The following GLG1 variants were observed in gnomAD, a reference collection of about 807,000 sequenced individuals.
GLG1 encodes the protein Golgi apparatus protein 1.
A neutral mutation model predicts 160.5 loss-of-function variants in GLG1; 38 were observed. That is an observed-to-expected ratio of 0.24 (90% CI 0.18 to 0.31). The LOEUF is 0.31. GLG1 is among the 10% of genes least tolerant of loss of function. GLG1 has a pLI of 1.00. For synonymous variants in GLG1, 644 were observed against 543.4 expected (o/e 1.19, Z -2.57); for missense variants, 1,373 against 1,505.2 (o/e 0.91, Z 1.45).
In GLG1 at chr16:74,503,681, T is replaced by C. The variant is rs759980976; in HGVS notation, c.624A>G (p.Arg208=). 17 of 1,613,244 alleles carry C rather than the reference T, an allele frequency of 1.1e-5. No homozygotes were observed. In the South Asian group the frequency reaches 1.9e-4, roughly 18 times the overall value. Residue 208 remains arginine (R), a synonymous_variant, in exon 4 of 26, where the codon CGA becomes CGG. Coordinates refer to ENST00000422840, the MANE Select transcript of GLG1 (RefSeq NM_001145667.2). ...GYMVSCLVDH[R]GNITEYQCHQ... The stretch of plus-strand genomic sequence containing the variant: ...GACACTGATACTCAGTGATGTTGCC[T>C]CGGTGATCCACCAAGCAGGAAACCA...
At chr16:74,462,817 G>A (rs1291557753) in intron 20 of GLG1, 187 bp from the exon 21 acceptor site, 2 of 609,734 alleles carry the variant, frequency 3.3e-6, no homozygotes, top group African/African-American at 1.9e-5. Context: ...ACTTGTTAAC[G>A]AGTACTTCTG....
At position 74,462,670 on chromosome 16, in the gene GLG1, C is replaced by T. The variant is rs753288326; in HGVS notation, c.2792-40G>A. Reference sequence around the variant, plus strand: ...AGTGAGCATGTGACAAAACATTCCACCTGATTCACACATTTTTAGATATCC... The same window carrying T: ...AGTGAGCATGTGACAAAACATTCCATCTGATTCACACATTTTTAGATATCC... On this transcript the variant is annotated intron_variant, in intron 20 of 25. Coordinates refer to ENST00000422840, the MANE Select transcript of GLG1 (RefSeq NM_001145667.2). 7.4e-5 allele frequency: 118 copies of T among 1,601,720 alleles called. No individual in the cohort carries two copies. In the East Asian group the frequency reaches 2.4e-3, roughly 33 times the overall value.
Position 74,475,874 on chromosome 16 carries a change from G to A in GLG1, c.1966-1242C>T, listed in dbSNP as rs148294247. Among the ~76,000 whole-genome samples the A allele has an allele frequency of 2.8e-3, 419 of 152,242 alleles. 2 individuals carry two copies. The highest frequency in any genetic ancestry group is 5.5e-3 in the Admixed American group (84 of 15,276). ...TTTTGGGAGTAAAATAAATGGCTAAGAGAAACATCCTATTAATAGAATCCT... is the reference window on the plus strand; with the variant it reads ...TTTTGGGAGTAAAATAAATGGCTAAAAGAAACATCCTATTAATAGAATCCT... On this transcript the variant is annotated intron_variant, in intron 12 of 25. Transcript: ENST00000422840.
At chr16:74,525,131 G>C (rs954453581) in intron 2 of GLG1, among the ~76,000 whole-genome samples, 6 of 152,144 alleles carry the variant, frequency 3.9e-5, no homozygotes, top group African/African-American at 1.4e-4. Context: ...ATTTTTGTGT[G>C]AAAATGTGTC....
chr16:74,587,550 A>G (rs1958080647), intron 1 of GLG1, among the ~76,000 whole-genome samples: 1 of 152,206 alleles, frequency 6.6e-6, no homozygotes, highest in African/African-American at 2.4e-5. Flanking sequence ...GACAGACATG[A>G]TGGAATTAGC....
chr16:74,573,375 T>C (rs2018892860), intron 1 of GLG1, among the ~76,000 whole-genome samples: 1 of 152,056 alleles, frequency 6.6e-6, no homozygotes. Context: ...AATAATCGTA[T>C]CTTAAAGGAT....
intron 2 of GLG1, among the ~76,000 whole-genome samples, chr16:74,529,809 G>GTTTTTTTTTTTTTTTTTTTTTTTTTTT (rs201693911): frequency 1.9e-5 from 2 of 104,104 alleles, no homozygotes; most frequent in Non-Finnish European, 3.6e-5. Context: ...CTCTTTGAGA[G>GTTTTTTTTTTTTTTTTTTTTTTTTTTT]TTCTTTTTTT....
chr16:74,546,437 T>A (rs2018048382), intron 1 of GLG1, among the ~76,000 whole-genome samples: 1 of 152,116 alleles, frequency 6.6e-6, no homozygotes, highest in African/African-American at 2.4e-5. Flanking sequence ...AAAGTAAGAC[T>A]CTGTCTTAAC....
chr16:74,596,315 G>C (rs948962650), intron 1 of GLG1, among the ~76,000 whole-genome samples: 1 of 152,004 alleles, frequency 6.6e-6, no homozygotes, highest in African/African-American at 2.4e-5. Flanking sequence ...GATCACCTGA[G>C]GTCAGCAGTT....
chr16:74,458,581 G>A (rs1389827720), intron 23 of GLG1, among the ~76,000 whole-genome samples: 1 of 152,154 alleles, frequency 6.6e-6, no homozygotes, highest in Non-Finnish European at 1.5e-5. Flanking sequence ...GGGAGGTTGA[G>A]GTGGGAGGAC....
At chr16:74,531,529 G>A (rs2017533867) in intron 2 of GLG1, among the ~76,000 whole-genome samples, 1 of 151,570 alleles carries the variant, frequency 6.6e-6, no homozygotes, top group Admixed American at 6.6e-5. Flanking sequence ...GATTCTCCAT[G>A]TTGGCTGGGC....
At chr16:74,575,803 T>C (rs1015462467) in intron 1 of GLG1, among the ~76,000 whole-genome samples, 1 of 152,214 alleles carries the variant, frequency 6.6e-6, no homozygotes, top group Non-Finnish European at 1.5e-5. Flanking sequence ...AGTGGCAATA[T>C]ATTCAAATTC....
intron 1 of GLG1, among the ~76,000 whole-genome samples, chr16:74,585,517 TA>T (rs2143837411): frequency 6.6e-6 from 1 of 151,808 alleles, no homozygotes; most frequent in Admixed American, 6.6e-5. Flanking sequence ...CCATCCTGGC[TA>T]ACAGGGTGAA....
At chr16:74,559,628 C>G (rs1460860760) in intron 1 of GLG1, among the ~76,000 whole-genome samples, 1 of 151,998 alleles carries the variant, frequency 6.6e-6, no homozygotes, top group Non-Finnish European at 1.5e-5. Flanking sequence ...TCTTGGATCT[C>G]TTCTTCCCTT....
intron 2 of GLG1, among the ~76,000 whole-genome samples, chr16:74,525,447 C>T (rs1392380516): frequency 6.6e-6 from 1 of 152,136 alleles, no homozygotes; most frequent in East Asian, 1.9e-4. Context: ...TACCACCGTG[C>T]CTGGCTACAT....
At chr16:74,544,449 C>T (rs1376804096) in intron 1 of GLG1, among the ~76,000 whole-genome samples, 1 of 152,134 alleles carries the variant, frequency 6.6e-6, no homozygotes, top group Non-Finnish European at 1.5e-5. Context: ...ATCTCCTGCA[C>T]ATGCAGGCGT....
At chr16:74,469,831 C>T (rs2015132066) in intron 16 of GLG1, 154 bp downstream of exon 16, 3 of 636,022 alleles carry the variant, frequency 4.7e-6, no homozygotes, top group Admixed American at 2.5e-5. Flanking sequence ...CCAGACAGTC[C>T]GAGTGTTTGC....
chr16:74,505,844 G>A (rs2016580305), intron 3 of GLG1, among the ~76,000 whole-genome samples: 2 of 151,958 alleles, frequency 1.3e-5, no homozygotes, highest in African/African-American at 4.8e-5. Flanking sequence ...AACAGAGCGA[G>A]ACTACTTCTC....
At chr16:74,606,468 G>A (rs543195321) in intron 1 of GLG1, among the ~76,000 whole-genome samples, 189 bp downstream of exon 1, 1 of 152,204 alleles carries the variant, frequency 6.6e-6, no homozygotes, top group Admixed American at 6.5e-5. Flanking sequence ...AAGGGCGGGG[G>A]AAAGAAGGAG....
Sources: allele counts gnomAD v4.1 joint callset (sites outside exome capture counted in the v4.1 genomes callset), GRCh38; gene constraint gnomAD v4.1.1; transcripts MANE v1.5; gene names NCBI Gene and HGNC (gene_info 2026-07-23, HGNC 2026-07-21).